The following LAMC2 variants were observed in gnomAD, a reference collection of about 807,000 sequenced individuals.
LAMC2 encodes laminin subunit gamma-2.
Under a neutral mutation model 140.2 loss-of-function variants are expected in LAMC2, and 97 were observed. The observed-to-expected ratio is 0.69, with a 90% CI of 0.59 to 0.82. The LOEUF (loss-of-function observed/expected upper bound fraction) is 0.82. LAMC2 is among the 40% of genes least tolerant of loss of function. LAMC2 has a pLI of 0.00. For missense variants in LAMC2, 1,402 were observed against 1,476.1 expected, an observed-to-expected ratio of 0.95 and a Z score of 0.82; for synonymous variants, 513 against 540.2, an observed-to-expected ratio of 0.95 and a Z score of 0.70.
rs74947608 is a variant in LAMC2, at chr1:183,188,815, G to C, written c.79+2384G>C. On this transcript the variant is annotated intron_variant, in intron 1 of 22. Coordinates refer to ENST00000264144, the MANE Select transcript of LAMC2 (RefSeq NM_005562.3). ...TGGTCTGGATCTTAGTTCATAGCAG[G>C]AGGTATGACTGGAGAAGGATTGAGA... Among the ~76,000 whole-genome samples the C allele has an allele frequency of 9.8e-3, 1,496 of 152,286 alleles. 24 individuals are homozygous for C. Among genetic ancestry groups the C allele is most frequent in the African/African-American group, 0.034 (1,424 of 41,562 alleles).
chr1:183,217,682 A>ATTTCC (rs1479198645), intron 3 of LAMC2, among the ~76,000 whole-genome samples: 3 of 152,250 alleles, frequency 2.0e-5, no homozygotes, highest in Non-Finnish European at 4.4e-5. Context: ...AATGTCTAGA[A>ATTTCC]TAGGCAAGTC....
chr1:183,246,222 T>C (rs1473936318), downstream of LAMC2, among the ~76,000 whole-genome samples: 1 of 150,410 alleles, frequency 6.6e-6, no homozygotes, highest in Non-Finnish European at 1.5e-5. Flanking sequence ...AAATGGGAGA[T>C]GATACCTGAG....
intron 22 of LAMC2, among the ~76,000 whole-genome samples, chr1:183,242,271 A>G (rs1052521612): frequency 4.6e-5 from 7 of 152,226 alleles, no homozygotes; most frequent in African/African-American, 1.7e-4. Flanking sequence ...TGAAAGATCC[A>G]TTTGGATCAA....
intron 22 of LAMC2, among the ~76,000 whole-genome samples, chr1:183,241,917 G>A (rs7525417): frequency 0.16 from 24,267 of 152,134 alleles, 1,987 homozygotes; most frequent in East Asian, 0.27. Context: ...AGAGTAGGGA[G>A]AGCAGGGTAG....
intron 2 of LAMC2, among the ~76,000 whole-genome samples, chr1:183,213,822 T>C (rs1659153223): frequency 6.7e-6 from 1 of 149,598 alleles, no homozygotes; most frequent in Non-Finnish European, 1.5e-5. Context: ...TCCCAGCACT[T>C]TGGGAGGCCA....
intron 6 of LAMC2, 147 bp downstream of exon 6, chr1:183,222,358 T>C (rs1659502010): frequency 1.2e-6 from 1 of 834,612 alleles, no homozygotes; most frequent in Non-Finnish European, 2.0e-6. Flanking sequence ...AGAAGAGAGA[T>C]GGGGGCTAAG....
chr1:183,218,291 C>T, intron 3 of LAMC2, 99 bp from the exon 4 acceptor site: 1 of 970,342 alleles, frequency 1.0e-6, no homozygotes, highest in South Asian at 1.3e-5. Flanking sequence ...GAAGGACTGC[C>T]CAGCTTCGTG....
intron 1 of LAMC2, among the ~76,000 whole-genome samples, chr1:183,207,463 A>T (rs1658923562): frequency 6.6e-6 from 1 of 152,210 alleles, no homozygotes; most frequent in Admixed American, 6.5e-5. Flanking sequence ...AGCTGTGCTG[A>T]GTCCGCAGCT....
intron 18 of LAMC2, 69 bp from the exon 19 acceptor site, chr1:183,238,238 A>T: frequency 2.7e-6 from 3 of 1,101,090 alleles, no homozygotes; most frequent in Non-Finnish European, 4.2e-6. Flanking sequence ...CATGAAGAGA[A>T]ATGTGTCAGA....
chr1:183,227,398 T>C (rs1659658854), intron 9 of LAMC2, 117 bp from the exon 10 acceptor site: 1 of 1,028,826 alleles, frequency 9.7e-7, no homozygotes. Flanking sequence ...CTCAGGCACT[T>C]TGGGGAAGGC....
At chr1:183,210,233 G>A (rs1659030191) in intron 2 of LAMC2, among the ~76,000 whole-genome samples, 2 of 152,144 alleles carry the variant, frequency 1.3e-5, no homozygotes. Flanking sequence ...AGAGTACAGT[G>A]GTGGGTTATG....
rs752996977 is a variant in LAMC2 at position 183,207,939 on chromosome 1, A to G, written c.138A>G (p.Gln46=). 1 of 1,613,808 alleles carries G rather than the reference A, an allele frequency of 6.2e-7. No homozygotes were observed. Among genetic ancestry groups the G allele is most frequent in the African/African-American group, 1.3e-5 (1 of 74,824 alleles). The change falls in exon 2 of 23, where the codon CAA becomes CAG. Residue 46 remains glutamine, a synonymous_variant. Transcript: ENST00000264144. ...QCIFDRELHR[Q]TGNGFRCLNC... ...TCTTTGATCGGGAACTTCACAGACA[A>G]ACTGGTAATGGATTCCGCTGCCTCA... is the stretch of plus-strand genomic sequence containing the variant.
intron 3 of LAMC2, 134 bp downstream of exon 3, chr1:183,215,722 C>G: frequency 9.5e-7 from 1 of 1,048,212 alleles, no homozygotes; most frequent in Non-Finnish European, 1.5e-6. Flanking sequence ...TTTGGGCTAT[C>G]TACTTTAATC....
chr1:183,254,683 C>CA, the LAMC2 span, among the ~76,000 whole-genome samples: 1 of 152,188 alleles, frequency 6.6e-6, no homozygotes, highest in Non-Finnish European at 1.5e-5. Context: ...GCAATCTTTC[C>CA]ACCTCAGCCT....
chr1:183,189,369 C>A (rs577259575), intron 1 of LAMC2, among the ~76,000 whole-genome samples: 1 of 152,076 alleles, frequency 6.6e-6, no homozygotes, highest in African/African-American at 2.4e-5. Flanking sequence ...GTGGGTGGAT[C>A]ACTTGAGCCC....
rs757785613 is a variant in LAMC2, at chr1:183,234,347, C to T, written c.2221-20C>T. 10 of 1,603,210 alleles carry T rather than the reference C, an allele frequency of 6.2e-6. No homozygotes were observed. Among genetic ancestry groups the T allele is most frequent in the African/African-American group, 1.3e-5 (1 of 74,686 alleles). ...AAAGCCTTAACCGATTCGCCTTAACCGATTCTCCTTTTCCCACAGAACATT... is the reference window on the plus strand; with the variant it reads ...AAAGCCTTAACCGATTCGCCTTAACTGATTCTCCTTTTCCCACAGAACATT... On this transcript the variant is annotated intron_variant, in intron 14 of 22. Transcript: ENST00000264144.
At chr1:183,236,741 TTAGC>T in intron 17 of LAMC2, 137 bp downstream of exon 17, 1 of 1,032,188 alleles carries the variant, frequency 9.7e-7, no homozygotes, top group Non-Finnish European at 1.5e-6. Context: ...GGAAGAGTAT[TTAGC>T]CTTCTCATTA....
chr1:183,223,104 G>C (rs1455072309), intron 6 of LAMC2, 31 bp from the exon 7 acceptor site: 1 of 1,606,224 alleles, frequency 6.2e-7, no homozygotes, highest in Admixed American at 1.7e-5. Flanking sequence ...TTTCACAACT[G>C]ATCTCAATCT....
At chr1:183,194,230 T>C (rs766829592) in intron 1 of LAMC2, among the ~76,000 whole-genome samples, 9 of 149,346 alleles carry the variant, frequency 6.0e-5, no homozygotes, top group Non-Finnish European at 1.0e-4. Context: ...AGCAATACAG[T>C]TTTAATTCAT....
Sources: allele counts gnomAD v4.1 joint callset (sites outside exome capture counted in the v4.1 genomes callset), GRCh38; gene constraint gnomAD v4.1.1; transcripts MANE v1.5; gene names NCBI Gene and HGNC (gene_info 2026-07-23, HGNC 2026-07-21).